Variants in GPAT4 observed in about 807,000 individuals in gnomAD.
The protein encoded by GPAT4 is 1-AGP acyltransferase 6.
GPAT4 carries 17 observed loss-of-function variants against 58.0 expected under a neutral mutation model. The ratio of observed to expected loss-of-function variants is 0.29; its 90% CI spans 0.20 to 0.44. GPAT4 has a LOEUF of 0.44. Among genes scored for constraint, GPAT4 ranks in the 20% least tolerant of loss-of-function variants. GPAT4 has a pLI of 1.00. For missense variants in GPAT4, 377 were observed against 574.5 expected, an observed-to-expected ratio of 0.66 and a Z score of 3.51; for synonymous variants, 204 against 210.1, an observed-to-expected ratio of 0.97 and a Z score of 0.25.
In GPAT4 at chr8:41,614,981, C is replaced by T; in HGVS notation, c.986C>T (p.Thr329Ile). The change falls in exon 10 of 13, where the codon ACA becomes ATA. Residue 329 changes from threonine to isoleucine, a missense_variant. By Grantham distance (89) the Thr-to-Ile change is moderately conservative. Transcript: ENST00000396987. ...IFPEGTCINNTSVMMFKKGSF... is the reference protein window; with the variant it reads ...IFPEGTCINNISVMMFKKGSF... ...ATTTTAGGAACCTGCATCAATAATACATCGGTGATGATGTTCAAAAAGGGA... is the reference window on the plus strand; with the variant it reads ...ATTTTAGGAACCTGCATCAATAATATATCGGTGATGATGTTCAAAAAGGGA... 6.2e-7 allele frequency: 1 copy of T among 1,614,088 alleles called. No individual in the cohort carries two copies. Among genetic ancestry groups the T allele is most frequent in the South Asian group, 1.1e-5 (1 of 91,072 alleles).
chr8:41,596,705 C>A (rs1393026730), intron 1 of GPAT4, among the ~76,000 whole-genome samples: 1 of 152,236 alleles, frequency 6.6e-6, no homozygotes, highest in Non-Finnish European at 1.5e-5. Flanking sequence ...CCTAAGTCAC[C>A]TAAGGGGCTG....
intron 8 of GPAT4, among the ~76,000 whole-genome samples, chr8:41,614,153 G>A (rs984867559): frequency 2.6e-5 from 4 of 152,182 alleles, no homozygotes; most frequent in Non-Finnish European, 4.4e-5. Context: ...TTGGTGCTCC[G>A]ATGTTCGCAC....
At chr8:41,596,766 C>G (rs1802945693) in intron 1 of GPAT4, among the ~76,000 whole-genome samples, 3 of 152,328 alleles carry the variant, frequency 2.0e-5, no homozygotes, top group African/African-American at 7.2e-5. Flanking sequence ...CCAAGAAATG[C>G]AACAGGACTA....
chr8:41,614,062 GAC>G (rs1803523533), intron 8 of GPAT4, among the ~76,000 whole-genome samples: 1 of 152,238 alleles, frequency 6.6e-6, no homozygotes, highest in African/African-American at 2.4e-5. Flanking sequence ...ATAGTCTAGT[GAC>G]ACAGGTTTAT....
At chr8:41,582,224 G>A (rs928121705) in intron 1 of GPAT4, among the ~76,000 whole-genome samples, 54 of 150,424 alleles carry the variant, frequency 3.6e-4, no homozygotes, top group Non-Finnish European at 3.0e-4. Flanking sequence ...GGCTGGTCTC[G>A]AACTCCTGAC....
At chr8:41,591,877 A>C (rs1049042862) in intron 1 of GPAT4, among the ~76,000 whole-genome samples, 3 of 152,260 alleles carry the variant, frequency 2.0e-5, no homozygotes, top group African/African-American at 7.2e-5. Context: ...TCAAGAGCCA[A>C]TCTATTTTGA....
Position 41,623,660 on chromosome 8 carries a change from A to G in GPAT4, c.*2659A>G, listed in dbSNP as rs1402834556. ...AATACGGGAAGTCAGCTTTGAATCC[A>G]TTGCTTCTCTAAAACATCAGGGCTA... On this transcript the variant is annotated 3_prime_UTR_variant, in exon 13 of 13. Transcript: ENST00000396987. 6.6e-6 allele frequency: 1 copy of G among 152,170 alleles called. No individual in the cohort carries two copies. The highest frequency in any genetic ancestry group is 1.5e-5 in the Non-Finnish European group (1 of 68,056). 9.4% of individuals were successfully genotyped at this position (152,170 alleles called of 1,614,324 possible). A position where few individuals can be genotyped will look rare whatever the true frequency, so the allele number is the denominator to read the frequency against.
At chr8:41,583,667 G>T (rs1482036919) in intron 1 of GPAT4, among the ~76,000 whole-genome samples, 3 of 152,136 alleles carry the variant, frequency 2.0e-5, no homozygotes, top group Non-Finnish European at 4.4e-5. Flanking sequence ...GTCACACGTG[G>T]TTAGTGGCTG....
At chr8:41,613,118 C>T (rs1040642549) in intron 8 of GPAT4, among the ~76,000 whole-genome samples, 158 bp downstream of exon 8, 14 of 152,110 alleles carry the variant, frequency 9.2e-5, no homozygotes, top group East Asian at 1.9e-4. Flanking sequence ...TAAAAGTGGC[C>T]GGGTGTGGTG....
At chr8:41,583,073 AAAAC>A (rs1433037713) in intron 1 of GPAT4, among the ~76,000 whole-genome samples, 2 of 152,068 alleles carry the variant, frequency 1.3e-5, no homozygotes, top group African/African-American at 4.8e-5. Flanking sequence ...AAATACAAAA[AAAAC>A]TAGCCGGCTG....
intron 10 of GPAT4, among the ~76,000 whole-genome samples, chr8:41,615,459 G>T (rs1029422331): frequency 2.4e-4 from 36 of 151,398 alleles, no homozygotes; most frequent in African/African-American, 7.0e-4. Flanking sequence ...ATTGGGGGGG[G>T]GGTCATTACT....
At chr8:41,619,915 C>T (rs937650812) in intron 12 of GPAT4, among the ~76,000 whole-genome samples, 2 of 152,228 alleles carry the variant, frequency 1.3e-5, no homozygotes, top group South Asian at 4.1e-4. Flanking sequence ...GTGATCGTCT[C>T]TTTCGCCCTC....
intron 12 of GPAT4, 36 bp from the exon 13 acceptor site, chr8:41,620,857 C>G (rs1803727842): frequency 4.5e-6 from 7 of 1,549,630 alleles, no homozygotes; most frequent in Non-Finnish European, 5.2e-6. Flanking sequence ...TGGGAGCCCT[C>G]TTGGCTGTTA....
chr8:41,610,267 A>C lies in GPAT4; in HGVS notation c.536+312A>C, dbSNP rs1388985491. On this transcript the variant is annotated intron_variant, in intron 4 of 12. Coordinates refer to ENST00000396987, the MANE Select transcript of GPAT4 (RefSeq NM_178819.4). ...CCTGGACATGGCTCATTCTTTCCTG[A>C]AGCTTGCCTCTCAGGTACAGGGGCA... The C allele has an allele frequency of 6.4e-6, 8 of 1,255,000 alleles. No homozygotes were observed. The African/African-American group carries it at 9.1e-5, about 14-fold the overall frequency. 77.7% of individuals were successfully genotyped at this position (1,255,000 alleles called of 1,614,324 possible).
At chr8:41,593,503 T>G (rs1474495946) in intron 1 of GPAT4, among the ~76,000 whole-genome samples, 1 of 152,224 alleles carries the variant, frequency 6.6e-6, no homozygotes, top group African/African-American at 2.4e-5. Context: ...GTGAGTTTCC[T>G]CATGCTTCGG....
At chr8:41,610,487 C>CT in intron 4 of GPAT4, 1 of 1,350,878 alleles carries the variant, frequency 7.4e-7, no homozygotes, top group Non-Finnish European at 9.5e-7. Context: ...TTCCAGCCTT[C>CT]CAGCTGCCTG....
chr8:41,618,653 T>C, intron 10 of GPAT4, 31 bp from the exon 11 acceptor site: 1 of 1,612,810 alleles, frequency 6.2e-7, no homozygotes, highest in African/African-American at 1.3e-5. Flanking sequence ...GAACTACTCA[T>C]GTCTTACCTC....
At chr8:41,585,353 T>C (rs531188619) in intron 1 of GPAT4, among the ~76,000 whole-genome samples, 8 of 152,060 alleles carry the variant, frequency 5.3e-5, no homozygotes, top group Non-Finnish European at 1.2e-4. Flanking sequence ...CAGATGGGCG[T>C]GTTAGTCCTG....
chr8:41,588,467 T>TCTTTTC (rs541339514), intron 1 of GPAT4, among the ~76,000 whole-genome samples: 1 of 152,230 alleles, frequency 6.6e-6, no homozygotes, highest in African/African-American at 2.4e-5. Context: ...TGTTCTTTTT[T>TCTTTTC]CTTTTCCTTT....
Sources: gnomAD v4.1 joint callset for allele counts (sites outside exome capture counted in the v4.1 genomes callset) on GRCh38, gnomAD v4.1.1 for gene constraint, MANE v1.5 for transcripts, NCBI Gene and HGNC (gene_info 2026-07-23, HGNC 2026-07-21) for gene names.